The following CA8 variants were observed in gnomAD, a reference collection of about 807,000 sequenced individuals.
CA8 encodes carbonic anhydrase-related protein.
Under a neutral mutation model 41.4 loss-of-function variants are expected in CA8, and 22 were observed. That is an observed-to-expected ratio of 0.53 (90% CI 0.38 to 0.76). The LOEUF (loss-of-function observed/expected upper bound fraction) is 0.76. Among genes scored for constraint, CA8 ranks in the 30% least tolerant of loss-of-function variants. The probability of loss-of-function intolerance (pLI) is 0.00; values close to 1 mark genes in which losing one functional copy is unlikely to be tolerated. For missense variants in CA8, 270 were observed against 352.8 expected, an observed-to-expected ratio of 0.77 and a Z score of 1.88; for synonymous variants, 121 against 130.6, an observed-to-expected ratio of 0.93 and a Z score of 0.50.
At chr8:60,253,782 A>G (rs963711458) in intron 3 of CA8, among the ~76,000 whole-genome samples, 5 of 152,134 alleles carry the variant, frequency 3.3e-5, no homozygotes, top group Admixed American at 2.0e-4. Flanking sequence ...TTGTTTACCC[A>G]GCGAACTCCT....
intron 3 of CA8, among the ~76,000 whole-genome samples, chr8:60,252,559 T>C (rs554110906): frequency 1.3e-5 from 2 of 152,358 alleles, no homozygotes; most frequent in African/African-American, 2.4e-5. Context: ...ACTCAAATTA[T>C]ACAAAGCATA....
intron 3 of CA8, among the ~76,000 whole-genome samples, chr8:60,260,688 A>C (rs1200673871): frequency 1.3e-5 from 2 of 152,186 alleles, no homozygotes; most frequent in East Asian, 1.9e-4. Flanking sequence ...GCTAGATAGG[A>C]GTTTGGACTA....
intron 4 of CA8, among the ~76,000 whole-genome samples, chr8:60,229,418 AG>A (rs1266566859): frequency 1.3e-5 from 2 of 152,090 alleles, no homozygotes; most frequent in Non-Finnish European, 2.9e-5. Flanking sequence ...CACGTGCTCA[AG>A]CCATCCTCCC....
chr8:60,226,690 A>G (rs1030091273), intron 5 of CA8, among the ~76,000 whole-genome samples, 183 bp downstream of exon 5: 1 of 152,076 alleles, frequency 6.6e-6, no homozygotes, highest in East Asian at 1.9e-4. Flanking sequence ...CCTGGACTTC[A>G]TTCCATGCGC....
At chr8:60,200,751 T>C (rs1317446525) in intron 8 of CA8, among the ~76,000 whole-genome samples, 1 of 152,172 alleles carries the variant, frequency 6.6e-6, no homozygotes, top group Non-Finnish European at 1.5e-5. Context: ...ATCCTCCCCA[T>C]CAATTCCATC....
At chr8:60,234,911 C>A (rs552442499) in intron 3 of CA8, among the ~76,000 whole-genome samples, 2 of 152,214 alleles carry the variant, frequency 1.3e-5, no homozygotes, top group African/African-American at 4.8e-5. Flanking sequence ...CCTTTCTACA[C>A]CAGTAGAGGT....
At position 60,185,872 on chromosome 8, in the gene CA8, T is replaced by C. The variant is rs997575; in HGVS notation, c.*4149A>G. On this transcript the variant is annotated 3_prime_UTR_variant, in exon 9 of 9. Transcript: ENST00000317995. Reference sequence around the variant, plus strand: ...CATTCCAAAAAAAAAAGGGCACTGGTAAATGTAATTATGTAATTATGAAAG... The same window carrying C: ...CATTCCAAAAAAAAAAGGGCACTGGCAAATGTAATTATGTAATTATGAAAG... 0.021 allele frequency among the ~76,000 whole-genome samples: 3,131 copies of C among 151,552 alleles called. 83 individuals are homozygous for C. Among genetic ancestry groups the C allele is most frequent in the South Asian group, 0.13 (642 of 4,808 alleles).
chr8:60,239,241 T>C (rs1325605561), intron 3 of CA8, among the ~76,000 whole-genome samples: 1 of 152,106 alleles, frequency 6.6e-6, no homozygotes, highest in African/African-American at 2.4e-5. Context: ...GGAGCTGGAA[T>C]TACAGGTGTG....
chr8:60,233,624 T>G (rs954297733), intron 3 of CA8, among the ~76,000 whole-genome samples: 2 of 152,182 alleles, frequency 1.3e-5, no homozygotes, highest in African/African-American at 4.8e-5. Context: ...TCTTCCCTTC[T>G]CCAGCTGCAA....
rs1371214011 is a variant in CA8, at chr8:60,224,536, C to T, written c.625+1G>A. On this transcript the variant is annotated splice_donor_variant, in intron 6 of 8. Transcript: ENST00000317995. LOFTEE classifies it high-confidence loss of function. ...TTTTATGCAATCAGGTAAATACTCA[C>T]CTGGTAATAAAGTGTTAGGATTAAA... 6 of 1,566,274 alleles carry T rather than the reference C, an allele frequency of 3.8e-6. No homozygotes were observed. The highest frequency in any genetic ancestry group is 4.4e-6 in the Non-Finnish European group (5 of 1,137,538).
chr8:60,197,753 T>C (rs943926954), intron 8 of CA8, among the ~76,000 whole-genome samples: 5 of 45,900 alleles, frequency 1.1e-4, no homozygotes, highest in African/African-American at 8.9e-4. Flanking sequence ...ACATGTGCTA[T>C]ATATGTGGAG....
intron 7 of CA8, among the ~76,000 whole-genome samples, chr8:60,217,124 T>G (rs2130449249): frequency 6.6e-6 from 1 of 152,234 alleles, no homozygotes; most frequent in East Asian, 1.9e-4. Context: ...CCTCAGGTGA[T>G]CCGTCCACCT....
At chr8:60,233,404 C>T (rs1053597526) in intron 3 of CA8, among the ~76,000 whole-genome samples, 35 of 152,138 alleles carry the variant, frequency 2.3e-4, no homozygotes, top group African/African-American at 8.2e-4. Flanking sequence ...TATTATAAAA[C>T]TGACCACTAG....
rs1477586948 is a variant in CA8, at chr8:60,186,683, TATAA to T, written c.*3334_*3337del. ...TGGAGACACACTTTAGATTCAAAAA[TATAA>T]ATAAGTTGAAAGTGAAAAGATGAAA... On this transcript the variant is annotated 3_prime_UTR_variant, in exon 9 of 9. Transcript: ENST00000317995. Among the ~76,000 whole-genome samples the T allele has an allele frequency of 6.6e-6, 1 of 151,218 alleles. No individual in the cohort carries two copies. Among genetic ancestry groups the T allele is most frequent in the African/African-American group, 2.4e-5 (1 of 41,242 alleles).
At chr8:60,250,114 G>A (rs1048856512) in intron 3 of CA8, among the ~76,000 whole-genome samples, 4 of 152,056 alleles carry the variant, frequency 2.6e-5, no homozygotes, top group African/African-American at 4.8e-5. Context: ...AACAGCAACC[G>A]TTACCCCATG....
intron 1 of CA8, among the ~76,000 whole-genome samples, chr8:60,280,797 ACG>A (rs1249440372): frequency 6.6e-6 from 1 of 152,230 alleles, no homozygotes; most frequent in African/African-American, 2.4e-5. Context: ...GCAGGTGCGA[ACG>A]CCAGCCCTGC....
intron 8 of CA8, among the ~76,000 whole-genome samples, chr8:60,207,575 C>A (rs1223845290): frequency 6.6e-6 from 1 of 152,134 alleles, no homozygotes; most frequent in Non-Finnish European, 1.5e-5. Flanking sequence ...AGTGTAAGAC[C>A]CCGGAATTTA....
At chr8:60,192,640 T>C (rs10098647) in intron 8 of CA8, among the ~76,000 whole-genome samples, 70,815 of 151,914 alleles carry the variant, frequency 0.47, 17,569 homozygotes, top group African/African-American at 0.64. Flanking sequence ...AAAATGTGTG[T>C]GTGCATGCAT....
intron 3 of CA8, chr8:60,232,757 C>A (rs965854508): frequency 7.8e-5 from 21 of 268,010 alleles, no homozygotes; most frequent in Non-Finnish European, 1.4e-4. Context: ...AGGATGAATA[C>A]CTGCATAATC....
Sources: allele counts gnomAD v4.1 joint callset (sites outside exome capture counted in the v4.1 genomes callset), GRCh38; gene constraint gnomAD v4.1.1; transcripts MANE v1.5; gene names NCBI Gene and HGNC (gene_info 2026-07-23, HGNC 2026-07-21).